IL3RA: variants seen among roughly 807,000 people sequenced by gnomAD.
IL3RA encodes the protein interleukin-3 receptor subunit alpha.
In IL3RA, 73 loss-of-function variants were observed where a neutral mutation model predicts 52.3. That is an observed-to-expected ratio of 1.40 (90% confidence interval 1.16 to 1.70). IL3RA has a LOEUF of 1.70. Among genes scored for constraint, IL3RA ranks in the 40% most tolerant of loss-of-function variants. The probability of loss-of-function intolerance (pLI) is 0.00; values close to 1 mark genes in which losing one functional copy is unlikely to be tolerated. For missense variants in IL3RA, 664 were observed against 504.4 expected (o/e 1.32, Z -3.03); for synonymous variants, 260 against 194.0 (o/e 1.34, Z -2.83).
In IL3RA at chrX:1,346,549, C is replaced by G. The variant is rs17885896; in HGVS notation, c.183+1115C>G. Among the ~76,000 whole-genome samples, 211 of 151,028 alleles carry G rather than the reference C, an allele frequency of 1.4e-3. 3 individuals carry two copies. The highest frequency in any genetic ancestry group is 4.6e-3 in the African/African-American group (189 of 40,958). On this transcript the variant is annotated intron_variant, in intron 3 of 11. Transcript: ENST00000331035. Reference sequence around the variant, plus strand: ...TTGAACCTGGGAGGCCGAGGTTGCACTGAGCCGAGATTGTGCCACTGCACT... The same window carrying G: ...TTGAACCTGGGAGGCCGAGGTTGCAGTGAGCCGAGATTGTGCCACTGCACT...
chrX:1,351,985 G>A (rs1336395443), intron 4 of IL3RA, 115 bp from the exon 5 acceptor site: 4 of 1,325,316 alleles, frequency 3.0e-6, no homozygotes, highest in South Asian at 2.9e-5. Context: ...GGCTGGTCTC[G>A]AACTCCTGAC....
intron 8 of IL3RA, among the ~76,000 whole-genome samples, chrX:1,362,176 G>C (rs1236132321): frequency 8.4e-5 from 11 of 131,374 alleles, no homozygotes; most frequent in South Asian, 7.3e-4. Context: ...CTCTCTCTTT[G>C]TATCTATGTC....
chrX:1,337,919 CA>C (rs2085366792), intron 1 of IL3RA, among the ~76,000 whole-genome samples: 5 of 148,048 alleles, frequency 3.4e-5, no homozygotes, highest in East Asian at 2.0e-4. Flanking sequence ...TCCAGCCACA[CA>C]GTGGAATATT....
rs773375429 is a variant in IL3RA, at chrX:1,341,775, C to A, written c.10C>A (p.Leu4Ile). 2.5e-6 allele frequency: 4 copies of A among 1,613,836 alleles called. No individual in the cohort carries two copies. In the East Asian group the frequency reaches 8.9e-5, roughly 36 times the overall value. Reference protein sequence around the residue: MVLLWLTLLLIALP... With the variant: MVLIWLTLLLIALP... ...CGGAGCTGCGTTCCCGATGGTCCTC[C>A]TTTGGCTCACGCTGCTCCTGATCGC... Residue 4 changes from leucine (L) to isoleucine (I), a missense_variant, in exon 2 of 12, where the codon CTT (leucine) becomes ATT (isoleucine). Leu to Ile is a conservative substitution (Grantham distance 5, BLOSUM62 2). Transcript: ENST00000331035.
At chrX:1,348,712 G>GTTTC (rs2085928713) in intron 4 of IL3RA, among the ~76,000 whole-genome samples, 167 bp downstream of exon 4, 4 of 57,566 alleles carry the variant, frequency 6.9e-5, no homozygotes, top group Admixed American at 5.3e-4. Flanking sequence ...TTCTGTTTCT[G>GTTTC]TTTCTTTCTT....
At position 1,365,119 on chromosome X, in the gene IL3RA, A is replaced by T. The variant is rs756714524; in HGVS notation, c.760-19A>T. On this transcript the variant is annotated intron_variant, in intron 8 of 11. Coordinates refer to ENST00000331035, the MANE Select transcript of IL3RA (RefSeq NM_002183.4). ...CCACCATACCTGGCCCCTCTTCTTT[A>T]TTTTCTTTCAAACCACAGGTCAGAG... 6.3e-7 allele frequency: 1 copy of T among 1,583,030 alleles called. No homozygotes were observed. Among genetic ancestry groups the T allele is most frequent in the Non-Finnish European group, 8.7e-7 (1 of 1,154,848 alleles).
chrX:1,347,639 A>G (rs1488338538), intron 3 of IL3RA, among the ~76,000 whole-genome samples: 6 of 151,194 alleles, frequency 4.0e-5, no homozygotes, highest in African/African-American at 1.2e-4. Flanking sequence ...ACAAAGAAAC[A>G]AAAAACAAAC....
At chrX:1,343,961 A>C (rs1390802333) in intron 2 of IL3RA, among the ~76,000 whole-genome samples, 1 of 151,350 alleles carries the variant, frequency 6.6e-6, no homozygotes, top group Non-Finnish European at 1.5e-5. Context: ...ACGCCCAACT[A>C]ATTTTTGTAT....
chrX:1,348,194 A>T (rs1475446407), intron 3 of IL3RA, among the ~76,000 whole-genome samples: 2 of 149,394 alleles, frequency 1.3e-5, no homozygotes, highest in African/African-American at 5.0e-5. Context: ...CCAGAAAAAT[A>T]CTTTAAAAAT....
chrX:1,339,264 A>T (rs2085402174), intron 1 of IL3RA, among the ~76,000 whole-genome samples: 1 of 152,202 alleles, frequency 6.6e-6, no homozygotes, highest in African/African-American at 2.4e-5. Context: ...TGAGCTGAAC[A>T]CAGGCTCTGT....
At chrX:1,346,387 C>T (rs1450389874) in intron 3 of IL3RA, among the ~76,000 whole-genome samples, 7 of 151,696 alleles carry the variant, frequency 4.6e-5, no homozygotes, top group Non-Finnish European at 8.8e-5. Flanking sequence ...TGCATTGAGC[C>T]GAGACTGTGC....
At chrX:1,362,524 G>A (rs2087529795) in intron 8 of IL3RA, among the ~76,000 whole-genome samples, 1 of 139,514 alleles carries the variant, frequency 7.2e-6, no homozygotes, top group South Asian at 2.3e-4. Flanking sequence ...TTCTGTCTCT[G>A]TTTTTCTCTC....
intron 2 of IL3RA, 55 bp downstream of exon 2, chrX:1,341,884 GAC>G: frequency 1.3e-6 from 2 of 1,564,712 alleles, no homozygotes; most frequent in Non-Finnish European, 1.8e-6. Context: ...GGGGTAGACA[GAC>G]ACACAATGTC....
At chrX:1,344,568 A>T (rs1254106635) in intron 2 of IL3RA, among the ~76,000 whole-genome samples, 12 of 146,502 alleles carry the variant, frequency 8.2e-5, no homozygotes, top group South Asian at 2.2e-4. Flanking sequence ...AGGTCAGGAG[A>T]TCGAGACCAT....
At chrX:1,362,522 C>G (rs1230360467) in intron 8 of IL3RA, among the ~76,000 whole-genome samples, 2 of 150,948 alleles carry the variant, frequency 1.3e-5, no homozygotes, top group Non-Finnish European at 3.0e-5. Context: ...TTTTCTGTCT[C>G]TGTTTTTCTC....
At chrX:1,341,959 C>A in intron 2 of IL3RA, 130 bp downstream of exon 2, 1 of 955,562 alleles carries the variant, frequency 1.0e-6, no homozygotes, top group South Asian at 1.4e-5. Context: ...ATGCAGTGGT[C>A]GGGAATGACT....
chrX:1,341,120 A>T (rs1416576477), intron 1 of IL3RA, among the ~76,000 whole-genome samples: 8 of 151,518 alleles, frequency 5.3e-5, no homozygotes, highest in South Asian at 2.1e-4. Flanking sequence ...TCTGTCACAA[A>T]AAATAAATAA....
At chrX:1,361,255 C>A (rs1156629969) in intron 8 of IL3RA, among the ~76,000 whole-genome samples, 1 of 148,290 alleles carries the variant, frequency 6.7e-6, no homozygotes, top group African/African-American at 2.6e-5. Flanking sequence ...GTGATTGTCT[C>A]TTTCTTTCTC....
chrX:1,378,070 C>T lies in IL3RA; in HGVS notation c.875-589C>T, dbSNP rs192578211. The stretch of plus-strand genomic sequence containing the variant: ...GCGTGGTGGCGGGCGCCTGTAGTCC[C>T]AGCTACTCGGGAGGCAGGGGCAGGA... On this transcript the variant is annotated intron_variant, in intron 9 of 11. Transcript: ENST00000331035. 7.3e-3 allele frequency among the ~76,000 whole-genome samples: 1,091 copies of T among 150,162 alleles called. 12 individuals are homozygous for T. The highest frequency in any genetic ancestry group is 0.025 in the African/African-American group (1,012 of 40,936).
Sources: allele counts gnomAD v4.1 joint callset (sites outside exome capture counted in the v4.1 genomes callset), GRCh38; gene constraint gnomAD v4.1.1; transcripts MANE v1.5; gene names NCBI Gene and HGNC (gene_info 2026-07-23, HGNC 2026-07-21).